The following C10orf90 variants were observed in gnomAD, a reference collection of about 807,000 sequenced individuals.
C10orf90 encodes the protein chromosome 10 open reading frame 90.
In C10orf90, 56 loss-of-function variants were observed where a neutral mutation model predicts 62.5. That is an observed-to-expected ratio of 0.90 (90% CI 0.72 to 1.12). The LOEUF (loss-of-function observed/expected upper bound fraction) is 1.12, where lower values mean the gene tolerates loss of function less well. Among genes scored for constraint, C10orf90 ranks in the 50% most tolerant of loss-of-function variants. C10orf90 has a pLI of 0.00. For synonymous variants in C10orf90, 386 were observed against 340.4 expected (o/e 1.13, Z -1.47); for missense variants, 970 against 880.4 (o/e 1.10, Z -1.29).
chr10:126,510,728 G>A lies in C10orf90; in HGVS notation c.405+3120C>T, dbSNP rs138982775. 3.9e-3 allele frequency among the ~76,000 whole-genome samples: 592 copies of A among 152,296 alleles called. 11 individuals are homozygous for A. The highest frequency in any genetic ancestry group is 0.024 in the East Asian group (126 of 5,186). On this transcript the variant is annotated intron_variant, in intron 3 of 9. Transcript: ENST00000488181. ...TCTTAAATGTTTCAAAGATGATTTT[G>A]TAGTGCTGGTAACTGCTTTCATAGT...
intron 1 of C10orf90, among the ~76,000 whole-genome samples, chr10:126,661,191 G>A (rs1391612489): frequency 1.3e-5 from 2 of 152,154 alleles, no homozygotes; most frequent in African/African-American, 2.4e-5. Context: ...CAGGGGCCAC[G>A]TCTTTGTGCC....
chr10:126,431,944 A>G (rs1336984429), intron 7 of C10orf90, among the ~76,000 whole-genome samples: 1 of 152,080 alleles, frequency 6.6e-6, no homozygotes, highest in Non-Finnish European at 1.5e-5. Flanking sequence ...GCCACACAGA[A>G]CTTTTGATTC....
chr10:126,645,102 G>A (rs1349572215), intron 2 of C10orf90, among the ~76,000 whole-genome samples: 1 of 122,946 alleles, frequency 8.1e-6, no homozygotes, highest in Non-Finnish European at 1.9e-5. Flanking sequence ...CACACTCTGG[G>A]GACTGTTGTG....
chr10:126,439,041 G>A (rs148958022), intron 7 of C10orf90, among the ~76,000 whole-genome samples: 82 of 152,138 alleles, frequency 5.4e-4, no homozygotes, highest in African/African-American at 1.8e-3. Context: ...CCATGAATGC[G>A]CCTATCAGCC....
chr10:126,649,014 C>G (rs538285164), intron 1 of C10orf90, among the ~76,000 whole-genome samples: 10 of 86,014 alleles, frequency 1.2e-4, no homozygotes, highest in South Asian at 4.7e-4. Flanking sequence ...CAGATGATAT[C>G]TCTCTCTCTC....
intron 2 of C10orf90, 33 bp from the exon 3 acceptor site, chr10:126,513,972 A>C: frequency 7.0e-7 from 1 of 1,430,962 alleles, no homozygotes; most frequent in Non-Finnish European, 9.8e-7. Context: ...GCTACTTTTT[A>C]GTATATAAAA....
In C10orf90 at chr10:126,652,837, A is replaced by C. The variant is rs1157771316; in HGVS notation, c.241-6200T>G. Among the ~76,000 whole-genome samples, 11 of 152,288 alleles carry C rather than the reference A, an allele frequency of 7.2e-5. No individual in the cohort carries two copies. The South Asian group carries it at 2.1e-3, about 29-fold the overall frequency. On this transcript the variant is annotated intron_variant, in intron 1 of 9. Coordinates refer to ENST00000488181, the MANE Select transcript of C10orf90 (RefSeq NM_001350921.2). ...AGTATTCCTTTCAGCATGTTCTATT[A>C]TGTTTCTTATCATTTGTAACATTTT...
intron 6 of C10orf90, among the ~76,000 whole-genome samples, chr10:126,460,489 G>C (rs1407430022): frequency 6.6e-6 from 1 of 152,248 alleles, no homozygotes; most frequent in African/African-American, 2.4e-5. Context: ...TACACTGGGG[G>C]AGAAGTCTTC....
intron 2 of C10orf90, among the ~76,000 whole-genome samples, chr10:126,584,164 G>A (rs1292908468): frequency 6.6e-6 from 1 of 152,030 alleles, no homozygotes; most frequent in African/African-American, 2.4e-5. Context: ...ACTCTCAGCA[G>A]CAACACAAAT....
At chr10:126,555,220 T>G (rs869502) in intron 2 of C10orf90, among the ~76,000 whole-genome samples, 53,144 of 151,980 alleles carry the variant, frequency 0.35, 9,795 homozygotes, top group African/African-American at 0.45. Context: ...GGGTTAACCT[T>G]GAATGTTTAT....
intron 2 of C10orf90, among the ~76,000 whole-genome samples, chr10:126,561,250 C>G (rs1864893948): frequency 6.6e-6 from 1 of 152,182 alleles, no homozygotes; most frequent in Admixed American, 6.5e-5. Context: ...GCCGCTGTTT[C>G]CAAAGTGTGG....
At chr10:126,502,060 G>A (rs563704752) in intron 4 of C10orf90, among the ~76,000 whole-genome samples, 2,635 of 100,602 alleles carry the variant, frequency 0.026, 61 homozygotes, top group African/African-American at 0.087. Context: ...CCACACACAC[G>A]CACACACACA....
Position 126,464,796 on chromosome 10 carries a change from T to G in C10orf90, c.1725A>C (p.Lys575Asn). 6.2e-7 allele frequency: 1 copy of G among 1,613,926 alleles called. No individual in the cohort carries two copies. Among genetic ancestry groups the G allele is most frequent in the Non-Finnish European group, 8.5e-7 (1 of 1,179,994 alleles). The change falls in exon 5 of 10, where the codon AAA becomes AAC. Residue 575 changes from lysine (K) to asparagine (N), a missense_variant. By Grantham distance (94) the Lys-to-Asn change is moderately conservative. Transcript: ENST00000488181. Reference sequence around the variant, plus strand: ...GAAACCCAGGAAAAAGGATTCTGGGTTTCAGGAAGCTTTGATGTCGTCTCT... The same window carrying G: ...GAAACCCAGGAAAAAGGATTCTGGGGTTCAGGAAGCTTTGATGTCGTCTCT... ...PTERRHQSFL[K>N]PRILFPGFLC...
chr10:126,573,146 CT>C (rs1218195001), intron 2 of C10orf90, among the ~76,000 whole-genome samples: 2 of 152,106 alleles, frequency 1.3e-5, no homozygotes, highest in Non-Finnish European at 2.9e-5. Context: ...ATTCCTGTCC[CT>C]TTTAAGGGCT....
chr10:126,576,353 A>G (rs1844610458), intron 2 of C10orf90, among the ~76,000 whole-genome samples: 1 of 152,054 alleles, frequency 6.6e-6, no homozygotes, highest in Non-Finnish European at 1.5e-5. Context: ...AATGCAAATC[A>G]AAACCAGAAG....
chr10:126,543,325 A>C (rs1210743099), intron 2 of C10orf90, among the ~76,000 whole-genome samples: 1 of 152,196 alleles, frequency 6.6e-6, no homozygotes, highest in Non-Finnish European at 1.5e-5. Flanking sequence ...TGGGGATGAG[A>C]AACATTCCTG....
At chr10:126,432,602 C>G (rs1405474620) in intron 7 of C10orf90, among the ~76,000 whole-genome samples, 2 of 152,172 alleles carry the variant, frequency 1.3e-5, no homozygotes, top group Admixed American at 1.3e-4. Flanking sequence ...CCCGAATGAC[C>G]AAAGAGCCAA....
intron 1 of C10orf90, among the ~76,000 whole-genome samples, chr10:126,650,672 A>G (rs1846273787): frequency 6.6e-6 from 1 of 152,222 alleles, no homozygotes. Flanking sequence ...ATAGAGTGGG[A>G]TGCCCCAGCT....
intron 7 of C10orf90, among the ~76,000 whole-genome samples, chr10:126,454,201 C>T (rs990419850): frequency 6.6e-6 from 1 of 152,016 alleles, no homozygotes; most frequent in Admixed American, 6.5e-5. Flanking sequence ...CTGCCCCCTA[C>T]TACTTGCAGG....
Sources: gnomAD v4.1 joint callset for allele counts (sites outside exome capture counted in the v4.1 genomes callset) on GRCh38, gnomAD v4.1.1 for gene constraint, MANE v1.5 for transcripts, NCBI Gene and HGNC (gene_info 2026-07-23, HGNC 2026-07-21) for gene names.